Variants in AGBL4 observed in about 807,000 individuals in gnomAD.
The protein encoded by AGBL4 is cytosolic carboxypeptidase 6.
A neutral mutation model predicts 66.4 loss-of-function variants in AGBL4; 58 were observed. The ratio of observed to expected loss-of-function variants is 0.87; its 90% CI spans 0.71 to 1.09. The LOEUF is 1.09. Among genes scored for constraint, AGBL4 ranks in the 50% least tolerant of loss-of-function variants. AGBL4 has a pLI of 0.00. For missense variants in AGBL4, 579 were observed against 631.0 expected (o/e 0.92, Z 0.88); for synonymous variants, 234 against 222.9 (o/e 1.05, Z -0.44).
At chr1:48,894,177 G>A (rs1398446074) in intron 5 of AGBL4, among the ~76,000 whole-genome samples, 1 of 151,282 alleles carries the variant, frequency 6.6e-6, no homozygotes, top group African/African-American at 2.5e-5. Flanking sequence ...CTGAAATGAT[G>A]AAGATTTAGC....
At chr1:49,766,651 A>G (rs1009261520) in intron 2 of AGBL4, among the ~76,000 whole-genome samples, 1 of 152,018 alleles carries the variant, frequency 6.6e-6, no homozygotes, top group Non-Finnish European at 1.5e-5. Context: ...GATTAAAAAA[A>G]AAAAAGGACC....
chr1:48,878,696 A>C (rs1649457685), intron 5 of AGBL4, among the ~76,000 whole-genome samples: 1 of 152,142 alleles, frequency 6.6e-6, no homozygotes, highest in South Asian at 2.1e-4. Context: ...TCCAGCTCCT[A>C]CCACTGTACT....
chr1:49,158,110 A>G (rs1296560213), intron 4 of AGBL4, among the ~76,000 whole-genome samples: 1 of 152,084 alleles, frequency 6.6e-6, no homozygotes, highest in Non-Finnish European at 1.5e-5. Flanking sequence ...AAATGTTGGG[A>G]AAACTAGCTA....
chr1:49,081,306 A>G (rs1644804736), intron 4 of AGBL4, among the ~76,000 whole-genome samples: 1 of 152,234 alleles, frequency 6.6e-6, no homozygotes. Flanking sequence ...AGTCAGACAT[A>G]CAAGGGATAA....
intron 6 of AGBL4, among the ~76,000 whole-genome samples, chr1:48,734,888 C>A (rs1648772302): frequency 6.6e-6 from 1 of 152,172 alleles, no homozygotes. Context: ...CTGACTGAGT[C>A]TTACTTTCTT....
chr1:49,132,434 C>G (rs1420946424), intron 4 of AGBL4, among the ~76,000 whole-genome samples: 1 of 152,072 alleles, frequency 6.6e-6, no homozygotes, highest in Non-Finnish European at 1.5e-5. Context: ...CTGGGTAAAA[C>G]TTTTGACTCT....
At chr1:49,552,364 T>A (rs760583967) in intron 3 of AGBL4, among the ~76,000 whole-genome samples, 2 of 152,194 alleles carry the variant, frequency 1.3e-5, no homozygotes, top group Non-Finnish European at 2.9e-5. Context: ...GCTGGAAATT[T>A]TCTTCTCCCT....
At chr1:49,874,801 C>T (rs893943643) in intron 1 of AGBL4, among the ~76,000 whole-genome samples, 1 of 151,844 alleles carries the variant, frequency 6.6e-6, no homozygotes, top group Non-Finnish European at 1.5e-5. Context: ...TTTGTTATTT[C>T]TATTATTTTT....
intron 4 of AGBL4, among the ~76,000 whole-genome samples, chr1:49,106,390 AT>A (rs1645293330): frequency 6.6e-6 from 1 of 152,260 alleles, no homozygotes; most frequent in South Asian, 2.1e-4. Flanking sequence ...GAGTATGTTC[AT>A]TTTGAATTTC....
intron 3 of AGBL4, among the ~76,000 whole-genome samples, chr1:49,503,711 G>T (rs571207403): frequency 6.6e-6 from 1 of 152,268 alleles, no homozygotes; most frequent in Non-Finnish European, 1.5e-5. Context: ...TTGTATTTTG[G>T]ACTTGCATGG....
At chr1:49,083,756 A>G (rs1002421891) in intron 4 of AGBL4, among the ~76,000 whole-genome samples, 2 of 152,226 alleles carry the variant, frequency 1.3e-5, no homozygotes, top group African/African-American at 2.4e-5. Flanking sequence ...CAGCATCATC[A>G]GGCTGCAATT....
At chr1:49,148,177 T>C (rs779348286) in intron 4 of AGBL4, among the ~76,000 whole-genome samples, 2 of 152,198 alleles carry the variant, frequency 1.3e-5, no homozygotes, top group Non-Finnish European at 2.9e-5. Context: ...GTATTTAGCA[T>C]GTTCCTCGAA....
At chr1:48,705,964 T>A (rs1646875544) in intron 6 of AGBL4, among the ~76,000 whole-genome samples, 1 of 152,174 alleles carries the variant, frequency 6.6e-6, no homozygotes, top group African/African-American at 2.4e-5. Context: ...TTACATGGCA[T>A]ACATAGAGAA....
At chr1:48,771,341 C>T (rs1379651117) in intron 6 of AGBL4, among the ~76,000 whole-genome samples, 1 of 152,182 alleles carries the variant, frequency 6.6e-6, no homozygotes, top group East Asian at 1.9e-4. Flanking sequence ...TCTGGATGTG[C>T]TTTTAAAAAT....
chr1:49,655,981 T>A (rs951536135), intron 3 of AGBL4, among the ~76,000 whole-genome samples: 19 of 152,122 alleles, frequency 1.2e-4, no homozygotes, highest in Admixed American at 1.3e-4. Context: ...ACCCCGTCTC[T>A]ATTAAAAATA....
At chr1:48,575,293 A>C (rs901966466) in intron 11 of AGBL4, among the ~76,000 whole-genome samples, 1 of 152,218 alleles carries the variant, frequency 6.6e-6, no homozygotes, top group African/African-American at 2.4e-5. Flanking sequence ...GAGGGGAATC[A>C]GGAGGAAGGA....
chr1:49,294,969 C>G (rs1644611983), intron 3 of AGBL4, among the ~76,000 whole-genome samples: 1 of 152,166 alleles, frequency 6.6e-6, no homozygotes, highest in Non-Finnish European at 1.5e-5. Context: ...TCTTTGTACC[C>G]TGGCATTCAG....
intron 3 of AGBL4, among the ~76,000 whole-genome samples, chr1:49,350,183 A>AT (rs1443960338): frequency 4.1e-5 from 6 of 144,754 alleles, no homozygotes; most frequent in African/African-American, 1.6e-4. Context: ...TTCAATGAAT[A>AT]TTTGTTTTTT....
At chr1:49,816,184 T>C (rs1645226509) in intron 2 of AGBL4, among the ~76,000 whole-genome samples, 1 of 152,082 alleles carries the variant, frequency 6.6e-6, no homozygotes, top group South Asian at 2.1e-4. Flanking sequence ...TGCTCAGCTC[T>C]TATCATTACC....
Sources: gnomAD v4.1 joint callset for allele counts (sites outside exome capture counted in the v4.1 genomes callset) on GRCh38, gnomAD v4.1.1 for gene constraint, MANE v1.5 for transcripts, NCBI Gene and HGNC (gene_info 2026-07-23, HGNC 2026-07-21) for gene names.